Variants in PLD3 observed in about 807,000 individuals in gnomAD.
PLD3 encodes 5'-3' exonuclease PLD3.
PLD3 carries 31 observed loss-of-function variants against 58.4 expected under a neutral mutation model. The ratio of observed to expected loss-of-function variants is 0.53; its 90% CI spans 0.40 to 0.72. The LOEUF (loss-of-function observed/expected upper bound fraction) is 0.72. Ranked by LOEUF, PLD3 falls within the 30% of genes least tolerant of loss-of-function variation. PLD3 has a pLI of 0.00. For synonymous variants in PLD3, 264 were observed against 273.4 expected (o/e 0.97, Z 0.34); for missense variants, 595 against 659.8 (o/e 0.90, Z 1.08).
chr19:40,349,384 C>T (rs2078426136), intron 1 of PLD3, among the ~76,000 whole-genome samples: 1 of 152,136 alleles, frequency 6.6e-6, no homozygotes. Context: ...CCCAGCCTTA[C>T]AGTTATTTTT....
At chr19:40,366,272 G>A in intron 2 of PLD3, 147 bp from the exon 3 acceptor site, 1 of 616,646 alleles carries the variant, frequency 1.6e-6, no homozygotes, top group Non-Finnish European at 2.9e-6. Context: ...CTGCTGACCA[G>A]TGACCAGCTT....
At chr19:40,377,494 C>T (rs2079263489) in intron 11 of PLD3, among the ~76,000 whole-genome samples, 1 of 151,602 alleles carries the variant, frequency 6.6e-6, no homozygotes, top group South Asian at 2.1e-4. Flanking sequence ...TCTGCCCTAG[C>T]GGGAAGGGCC....
chr19:40,367,010 A>G, intron 5 of PLD3, 95 bp downstream of exon 5: 2 of 1,391,384 alleles, frequency 1.4e-6, no homozygotes, highest in Non-Finnish European at 1.9e-6. Flanking sequence ...AGCCCTACCC[A>G]GCGCTTGCGA....
In PLD3 at chr19:40,377,899, G is replaced by A. The variant is rs1204420242; in HGVS notation, c.1285+14G>A. On this transcript the variant is annotated intron_variant, in intron 12 of 12. Coordinates refer to ENST00000409735, the MANE Select transcript of PLD3 (RefSeq NM_012268.4). The stretch of plus-strand genomic sequence containing the variant: ...CCACCTACATCGGTGAGTGTCTTGA[G>A]CACCACGGGGCGCTGAAGAAGAGGG... The A allele has an allele frequency of 3.7e-6, 6 of 1,613,352 alleles. No homozygotes were observed. Among genetic ancestry groups the A allele is most frequent in the Non-Finnish European group, 5.1e-6 (6 of 1,179,426 alleles).
intron 8 of PLD3, among the ~76,000 whole-genome samples, chr19:40,371,083 C>A (rs1003186067): frequency 6.6e-6 from 1 of 152,182 alleles, no homozygotes; most frequent in Non-Finnish European, 1.5e-5. Flanking sequence ...AATCTGATCC[C>A]TGAAGGATAG....
At chr19:40,353,582 C>CT (rs112863485) in intron 1 of PLD3, among the ~76,000 whole-genome samples, 1,572 of 149,660 alleles carry the variant, frequency 0.011, 41 homozygotes, top group African/African-American at 0.037. Flanking sequence ...CTTTTCTTTT[C>CT]TTTTTTTTTT....
At chr19:40,361,787 G>T (rs2078791213) in intron 1 of PLD3, among the ~76,000 whole-genome samples, 2 of 146,836 alleles carry the variant, frequency 1.4e-5, no homozygotes, top group African/African-American at 5.0e-5. Context: ...GATCCTCTAT[G>T]GCACTTACTA....
At chr19:40,377,445 G>C (rs1317253583) in intron 11 of PLD3, among the ~76,000 whole-genome samples, 1 of 145,978 alleles carries the variant, frequency 6.9e-6, no homozygotes, top group Non-Finnish European at 1.5e-5. Context: ...GGCACAGGCA[G>C]AGGGGTCAGG....
chr19:40,372,360 G>A (rs1302072314), intron 9 of PLD3, among the ~76,000 whole-genome samples: 2 of 151,884 alleles, frequency 1.3e-5, no homozygotes, highest in East Asian at 1.9e-4. Flanking sequence ...AGCTGGGTTG[G>A]GTTGTGCATG....
chr19:40,367,726 C>T lies in PLD3; in HGVS notation c.276C>T (p.Gly92=), dbSNP rs1459931661. ...TGCTGGTGGAAAGCATTCCTGAGGG[C>T]CTGGACTTCCCCAATGCCTCCACGG... ...EAVLVESIPE[G]LDFPNASTGN... The change falls in exon 6 of 13, where the codon GGC becomes GGT. Residue 92 remains glycine (G), a synonymous_variant. Coordinates refer to ENST00000409735, the MANE Select transcript of PLD3 (RefSeq NM_012268.4). 34 of 1,613,350 alleles carry T rather than the reference C, an allele frequency of 2.1e-5. No homozygotes were observed. Among genetic ancestry groups the T allele is most frequent in the Admixed American group, 5.0e-5 (3 of 59,974 alleles).
intron 1 of PLD3, among the ~76,000 whole-genome samples, chr19:40,363,889 C>G (rs751949326): frequency 6.6e-6 from 1 of 152,124 alleles, no homozygotes; most frequent in Non-Finnish European, 1.5e-5. Context: ...AGGGGAGCAC[C>G]TAGCTCTGAG....
chr19:40,362,343 G>T (rs566843464), intron 1 of PLD3, among the ~76,000 whole-genome samples: 1 of 152,236 alleles, frequency 6.6e-6, no homozygotes, highest in South Asian at 2.1e-4. Context: ...AAGTGCAGAA[G>T]CTCAGATTCA....
chr19:40,368,791 G>T (rs1009872092), intron 6 of PLD3, among the ~76,000 whole-genome samples: 1 of 152,002 alleles, frequency 6.6e-6, no homozygotes, highest in African/African-American at 2.4e-5. Flanking sequence ...AGGGTGTTGT[G>T]GTGCATGCCT....
intron 5 of PLD3, chr19:40,367,455 C>T (rs2078955140): frequency 4.4e-6 from 2 of 452,284 alleles, no homozygotes; most frequent in African/African-American, 3.9e-5. Flanking sequence ...CTGGTGCACA[C>T]CTGTAGTCCC....
chr19:40,376,726 C>A lies in PLD3; in HGVS notation c.1137C>A (p.Leu379=). The part of the protein sequence containing the change: ...HSEPSMRAFL[L]SLAALRDNHT... ...AGCCATCCATGCGGGCCTTCCTGCT[C>A]TCTCTGGCTGCCCTGCGTGACAACC... The change falls in exon 11 of 13, where the codon CTC becomes CTA. Residue 379 remains leucine, a synonymous_variant. Transcript: ENST00000409735. 1 of 1,602,234 alleles carries A rather than the reference C, an allele frequency of 6.2e-7. No individual in the cohort carries two copies. Among genetic ancestry groups the A allele is most frequent in the Non-Finnish European group, 8.5e-7 (1 of 1,179,954 alleles).
intron 9 of PLD3, among the ~76,000 whole-genome samples, chr19:40,373,563 T>G (rs1190955234): frequency 1.2e-4 from 13 of 109,832 alleles, no homozygotes; most frequent in East Asian, 2.7e-4. Flanking sequence ...GGTGACAGAG[T>G]GAGACTCCAC....
chr19:40,360,553 C>CCT (rs1222622322), intron 1 of PLD3: 5 of 148,192 alleles, frequency 3.4e-5, no homozygotes, highest in African/African-American at 1.3e-4. Flanking sequence ...TGCACTCCAG[C>CCT]CTGGATAACA....
At chr19:40,350,363 T>C (rs904189924) in intron 1 of PLD3, among the ~76,000 whole-genome samples, 1 of 151,862 alleles carries the variant, frequency 6.6e-6, no homozygotes, top group African/African-American at 2.4e-5. Context: ...AAACACAAAT[T>C]AATCATTCTG....
Position 40,374,573 on chromosome 19 carries a change from C to CG in PLD3, c.973dup (p.Ala325GlyfsTer22). The CG allele has an allele frequency of 6.2e-7, 1 of 1,614,162 alleles. No homozygotes were observed. The highest frequency in any genetic ancestry group is 1.7e-5 in the Admixed American group (1 of 60,018). ...ACAATGCCCGGAGTTTCATCTACGT[C>CG]GCTGTCATGAACTACCTGCCCACTC... On this transcript the variant is annotated frameshift_variant, in exon 10 of 13. Transcript: ENST00000409735. LOFTEE classifies it high-confidence loss of function.
Sources: allele counts gnomAD v4.1 joint callset (sites outside exome capture counted in the v4.1 genomes callset), GRCh38; gene constraint gnomAD v4.1.1; transcripts MANE v1.5; gene names NCBI Gene and HGNC (gene_info 2026-07-23, HGNC 2026-07-21).